Variants in PDZD2 observed in about 807,000 individuals in gnomAD.
PDZD2 encodes PDZ domain-containing protein 2.
In PDZD2, 90 loss-of-function variants were observed where a neutral mutation model predicts 220.7. The observed-to-expected ratio is 0.41, with a 90% CI of 0.34 to 0.49. The LOEUF is 0.49. Among genes scored for constraint, PDZD2 ranks in the 20% least tolerant of loss-of-function variants. The pLI is 0.28. For missense variants in PDZD2, 3,174 were observed against 3,608.5 expected, an observed-to-expected ratio of 0.88 and a Z score of 3.08; for synonymous variants, 1,375 against 1,450.5, an observed-to-expected ratio of 0.95 and a Z score of 1.18.
Position 31,878,555 on chromosome 5 carries a change from C to CTTTTTTTTTTTTTTTTT in PDZD2, c.476+78839_476+78855dup, listed in dbSNP as rs397884384. Among the ~76,000 whole-genome samples the CTTTTTTTTTTTTTTTTT allele has an allele frequency of 2.7e-3, 131 of 48,200 alleles. 40 individuals are homozygous for CTTTTTTTTTTTTTTTTT. The highest frequency in any genetic ancestry group is 0.016 in the East Asian group (13 of 828). The allele number at this position is 48,200 out of a possible 152,430, so 31.6% of individuals were successfully genotyped here. A position where few individuals can be genotyped will look rare whatever the true frequency, so the allele number is the denominator to read the frequency against. On this transcript the variant is annotated intron_variant, in intron 2 of 24. Coordinates refer to ENST00000438447, the MANE Select transcript of PDZD2 (RefSeq NM_178140.4). Reference sequence around the variant, plus strand: ...TTCTTTGGTGGTCAGATGACCTCGGCTTTTTTTTTTTTTTTTTTTTTTTTG... The same window carrying CTTTTTTTTTTTTTTTTT: ...TTCTTTGGTGGTCAGATGACCTCGGCTTTTTTTTTTTTTTTTTTTTTTTTTTTTTTTTTTTTTTTTTG...
rs767607541 is a variant in PDZD2, at chr5:32,089,025, A to C, written c.5577A>C (p.Glu1859Asp). 1 of 1,613,930 alleles carries C rather than the reference A, an allele frequency of 6.2e-7. No homozygotes were observed. Among genetic ancestry groups the C allele is most frequent in the East Asian group, 2.2e-5 (1 of 44,880 alleles). ...HSPPQPKTNLENKDLSKKSPA... is the reference protein window; with the variant it reads ...HSPPQPKTNLDNKDLSKKSPA... ...CTCCTCAGCCGAAAACAAACCTGGA[A>C]AATAAGGACCTGTCTAAGAAGAGTC... Residue 1859 changes from glutamate to aspartate, a missense_variant, in exon 20 of 25, where the codon GAA (glutamate) becomes GAC (aspartate). This residue lies in a region of PDZD2 where 1,861 missense variants were observed against 2,001.0 expected (regional missense o/e 0.93). Coordinates refer to ENST00000438447, the MANE Select transcript of PDZD2 (RefSeq NM_178140.4).
chr5:32,057,642 AT>A lies in PDZD2; in HGVS notation c.1901-10del. The A allele has an allele frequency of 6.7e-7, 1 of 1,492,528 alleles. No individual in the cohort carries two copies. Among genetic ancestry groups the A allele is most frequent in the Non-Finnish European group, 9.3e-7 (1 of 1,077,772 alleles). 92.5% of individuals were successfully genotyped at this position (1,492,528 alleles called of 1,614,324 possible). On this transcript the variant is annotated splice_polypyrimidine_tract_variant and intron_variant, in intron 10 of 24. Transcript: ENST00000438447. ...AGGCTAATGTTAATGTAATTCTCACATTTGATCACTAGGGGATGAAATCCTA... is the reference window on the plus strand; with the variant it reads ...AGGCTAATGTTAATGTAATTCTCACATTGATCACTAGGGGATGAAATCCTA...
chr5:31,738,580 T>C (rs1356249630), intron 1 of PDZD2: 1 of 152,232 alleles, frequency 6.6e-6, no homozygotes, highest in Non-Finnish European at 1.5e-5. Context: ...TCATCTTGAC[T>C]TATATGATGG....
intron 1 of PDZD2, among the ~76,000 whole-genome samples, chr5:31,728,163 G>C (rs780701731): frequency 6.6e-6 from 1 of 152,016 alleles, no homozygotes; most frequent in Non-Finnish European, 1.5e-5. Flanking sequence ...TTTGGCTGGG[G>C]TGAGGGACTT....
At chr5:31,761,052 A>C (rs1052479092) in intron 1 of PDZD2, among the ~76,000 whole-genome samples, 7 of 152,084 alleles carry the variant, frequency 4.6e-5, no homozygotes, top group Admixed American at 3.9e-4. Context: ...CCGTGTGGGG[A>C]GGGGCACATA....
intron 2 of PDZD2, among the ~76,000 whole-genome samples, chr5:31,894,632 T>C (rs1733484557): frequency 1.3e-5 from 2 of 152,158 alleles, no homozygotes; most frequent in African/African-American, 4.8e-5. Context: ...ACTTATAACA[T>C]GGTTATAATT....
At chr5:32,040,169 G>A (rs10037399) in intron 7 of PDZD2, among the ~76,000 whole-genome samples, 3,262 of 143,116 alleles carry the variant, frequency 0.023, 126 homozygotes, top group African/African-American at 0.078. Context: ...GCCTCTGCCC[G>A]GCTGCCCCAT....
intron 5 of PDZD2, among the ~76,000 whole-genome samples, chr5:32,007,847 A>G (rs1464409026): frequency 6.6e-6 from 1 of 152,050 alleles, no homozygotes; most frequent in Admixed American, 6.6e-5. Context: ...GTGCTGCGGC[A>G]TTTCCCCGGA....
chr5:31,843,779 T>G (rs976455366), intron 2 of PDZD2: 1 of 152,178 alleles, frequency 6.6e-6, no homozygotes. Flanking sequence ...TCCACCCTCC[T>G]TGGGGTTAAA....
intron 2 of PDZD2, among the ~76,000 whole-genome samples, chr5:31,870,272 A>T (rs1196678078): frequency 2.6e-5 from 4 of 152,224 alleles, no homozygotes; most frequent in African/African-American, 9.6e-5. Flanking sequence ...TATAAGGTGT[A>T]GAGTCCACCC....
intron 1 of PDZD2, among the ~76,000 whole-genome samples, chr5:31,656,352 G>A (rs1201667645): frequency 6.6e-6 from 1 of 152,124 alleles, no homozygotes; most frequent in Non-Finnish European, 1.5e-5. Flanking sequence ...ATTTTTACTT[G>A]CTACCTAGCA....
chr5:31,972,263 A>G (rs1444797433), intron 2 of PDZD2, among the ~76,000 whole-genome samples: 1 of 152,080 alleles, frequency 6.6e-6, no homozygotes, highest in Non-Finnish European at 1.5e-5. Context: ...AGAGGTGCAC[A>G]CAACTGCACC....
intron 1 of PDZD2, among the ~76,000 whole-genome samples, chr5:31,766,732 AT>A (rs35486584): frequency 0.042 from 5,989 of 143,698 alleles, 213 homozygotes; most frequent in African/African-American, 0.11. Flanking sequence ...CTTAAGCAGA[AT>A]TTTTTTTTTT....
chr5:31,842,540 A>G (rs923897715), intron 2 of PDZD2, among the ~76,000 whole-genome samples: 1 of 152,206 alleles, frequency 6.6e-6, no homozygotes, highest in African/African-American at 2.4e-5. Context: ...TTCCTAATAG[A>G]GCAACTGCTA....
intron 19 of PDZD2, among the ~76,000 whole-genome samples, chr5:32,084,730 T>A (rs1742273196): frequency 6.6e-6 from 1 of 152,164 alleles, no homozygotes; most frequent in Admixed American, 6.5e-5. Flanking sequence ...TTCTTTCTGA[T>A]GCCAGATTTT....
At position 32,058,034 on chromosome 5, in the gene PDZD2, T is replaced by C. The variant is rs774744179; in HGVS notation, c.2131T>C (p.Ser711Pro). 6.2e-7 allele frequency: 1 copy of C among 1,612,512 alleles called. No homozygotes were observed. The highest frequency in any genetic ancestry group is 1.7e-5 in the Admixed American group (1 of 60,018). ...ASAGGSDEGS[S>P]SSLGRKTPGP... ...AGCGGGAGGTTCCGATGAAGGCAGT[T>C]CTTCATCCCTGGGTCGGAAGACCCC... Residue 711 changes from serine (S) to proline (P), a missense_variant, in exon 12 of 25, where the codon TCT becomes CCT. Physicochemically the swap from Ser to Pro is moderately conservative, Grantham distance 74. Coordinates refer to ENST00000438447, the MANE Select transcript of PDZD2 (RefSeq NM_178140.4).
chr5:31,941,111 A>G (rs1037153229), intron 2 of PDZD2, among the ~76,000 whole-genome samples: 4 of 152,210 alleles, frequency 2.6e-5, no homozygotes, highest in Admixed American at 1.3e-4. Context: ...AGAATTCATC[A>G]TGGTGCTCTT....
In PDZD2 at chr5:32,061,084, T is replaced by A. The variant is rs1371559059; in HGVS notation, c.2401T>A (p.Cys801Ser). Residue 801 changes from cysteine to serine, a missense_variant, in exon 14 of 25, where the codon TGC (cysteine) becomes AGC (serine). Cys to Ser is a moderately radical substitution (Grantham distance 112). Transcript: ENST00000438447. ...LSKVHAILSKCPPGPVRLVIG... is the reference protein window; with the variant it reads ...LSKVHAILSKSPPGPVRLVIG... ...CAAAGTCCACGCCATCTTGAGTAAA[T>A]GCCCTCCAGGACCCGTTCGCCTTGT... The A allele has an allele frequency of 1.2e-6, 2 of 1,614,146 alleles. No individual in the cohort carries two copies. Among genetic ancestry groups the A allele is most frequent in the East Asian group, 4.5e-5 (2 of 44,884 alleles).
At chr5:32,007,289 G>A (rs1483660659) in intron 5 of PDZD2, among the ~76,000 whole-genome samples, 1 of 151,688 alleles carries the variant, frequency 6.6e-6, no homozygotes, top group South Asian at 2.1e-4. Context: ...CTGGGATTAC[G>A]GGTATGAGCC....
Sources: gnomAD v4.1 joint callset for allele counts (sites outside exome capture counted in the v4.1 genomes callset) on GRCh38, gnomAD v4.1.1 for gene constraint, gnomAD v4.1.1 regional missense constraint, MANE v1.5 for transcripts, NCBI Gene and HGNC (gene_info 2026-07-23, HGNC 2026-07-21) for gene names.